Variants in PIP4K2A observed in about 807,000 individuals in gnomAD.
The protein encoded by PIP4K2A is phosphatidylinositol-5-phosphate 4-kinase type 2 alpha.
Under a neutral mutation model 42.9 loss-of-function variants are expected in PIP4K2A, and 14 were observed. That is an observed-to-expected ratio of 0.33 (90% CI 0.22 to 0.51). The LOEUF is 0.51. Ranked by LOEUF, PIP4K2A falls within the 20% of genes least tolerant of loss-of-function variation. The pLI, the probability that PIP4K2A is intolerant of heterozygous loss-of-function variation, is 0.97. For synonymous variants in PIP4K2A, 192 were observed against 192.2 expected (o/e 1.00, Z 0.01); for missense variants, 434 against 519.8 (o/e 0.83, Z 1.61).
intron 6 of PIP4K2A, among the ~76,000 whole-genome samples, chr10:22,564,694 G>T (rs189825815): frequency 6.6e-6 from 1 of 152,340 alleles, no homozygotes; most frequent in Admixed American, 6.5e-5. Flanking sequence ...CTTAGAGGGG[G>T]TTTAGGCGAA....
Position 22,541,922 on chromosome 10 carries a change from GCCATCGCTCTCGCCCTCCTCCTCC to G in PIP4K2A, c.894_917del (p.Glu299_Gly306del). 2.5e-6 allele frequency: 4 copies of G among 1,614,038 alleles called. No homozygotes were observed. The highest frequency in any genetic ancestry group is 3.4e-6 in the Non-Finnish European group (4 of 1,179,942). ...CTGGGGGGGTTCCCACCGGGTGGGTGCCATCGCTCTCGCCCTCCTCCTCCCCATCGTTCTCCTCACACTCCACTT... is the reference window on the plus strand; with the variant it reads ...CTGGGGGGGTTCCCACCGGGTGGGTGCCATCGTTCTCCTCACACTCCACTT... On this transcript the variant is annotated inframe_deletion, in exon 8 of 10. Coordinates refer to ENST00000376573, the MANE Select transcript of PIP4K2A (RefSeq NM_005028.5).
intron 1 of PIP4K2A, among the ~76,000 whole-genome samples, chr10:22,672,669 C>A (rs1022879179): frequency 1.4e-4 from 21 of 152,184 alleles, no homozygotes; most frequent in African/African-American, 5.1e-4. Flanking sequence ...TCCAGAAGGG[C>A]CTATTAAGAA....
intron 1 of PIP4K2A, among the ~76,000 whole-genome samples, chr10:22,688,515 C>T (rs1156331838): frequency 1.3e-5 from 2 of 152,182 alleles, no homozygotes; most frequent in Non-Finnish European, 2.9e-5. Flanking sequence ...TACACTGACA[C>T]CATCTTGGCT....
intron 5 of PIP4K2A, chr10:22,569,157 G>C: frequency 2.4e-6 from 2 of 838,264 alleles, no homozygotes; most frequent in South Asian, 3.0e-5. Flanking sequence ...AACTTGAACG[G>C]AAGAGACTCC....
At chr10:22,586,135 A>G (rs1331195469) in intron 4 of PIP4K2A, among the ~76,000 whole-genome samples, 1 of 152,224 alleles carries the variant, frequency 6.6e-6, no homozygotes, top group East Asian at 1.9e-4. Context: ...TGTGAAAAGG[A>G]TATTTATAGC....
chr10:22,576,172 G>T (rs941729655), intron 4 of PIP4K2A, among the ~76,000 whole-genome samples: 1 of 152,094 alleles, frequency 6.6e-6, no homozygotes, highest in African/African-American at 2.4e-5. Context: ...TTAAAATTTT[G>T]CAGTAGAGAA....
At chr10:22,684,915 T>A (rs1428574510) in intron 1 of PIP4K2A, among the ~76,000 whole-genome samples, 1 of 152,200 alleles carries the variant, frequency 6.6e-6, no homozygotes, top group East Asian at 1.9e-4. Flanking sequence ...TTCACTTTTG[T>A]GTTCCTGACC....
At chr10:22,676,719 C>T (rs1839567977) in intron 1 of PIP4K2A, among the ~76,000 whole-genome samples, 1 of 152,152 alleles carries the variant, frequency 6.6e-6, no homozygotes, top group Admixed American at 6.5e-5. Flanking sequence ...CTGCTATAGT[C>T]CAGGCACTGT....
intron 2 of PIP4K2A, among the ~76,000 whole-genome samples, chr10:22,608,237 C>T (rs1449796522): frequency 6.6e-6 from 1 of 152,182 alleles, no homozygotes; most frequent in Non-Finnish European, 1.5e-5. Flanking sequence ...GTCACAGGCA[C>T]GCTTGGACTA....
At chr10:22,563,821 G>C (rs1421185312) in intron 6 of PIP4K2A, among the ~76,000 whole-genome samples, 1 of 152,184 alleles carries the variant, frequency 6.6e-6, no homozygotes, top group Admixed American at 6.5e-5. Context: ...CTCATCTGGT[G>C]ACTGTTAAGG....
At chr10:22,579,781 T>C (rs1588639525) in intron 4 of PIP4K2A, among the ~76,000 whole-genome samples, 1 of 149,052 alleles carries the variant, frequency 6.7e-6, no homozygotes, top group Non-Finnish European at 1.5e-5. Flanking sequence ...TGGTGGCAGG[T>C]GCCTGTAGTC....
chr10:22,664,067 A>ATATATATATACATATG, intron 1 of PIP4K2A, among the ~76,000 whole-genome samples: 1 of 90,256 alleles, frequency 1.1e-5, no homozygotes, highest in Admixed American at 1.1e-4. Context: ...ATATACATAT[A>ATATATATATACATATG]TATATATACG....
intron 1 of PIP4K2A, among the ~76,000 whole-genome samples, chr10:22,646,566 C>A (rs1750777): frequency 0.24 from 36,295 of 151,740 alleles, 4,674 homozygotes; most frequent in Non-Finnish European, 0.3. Context: ...GCAAAAAAAA[C>A]ACAAAAATCA....
chr10:22,674,715 G>A (rs536687621), intron 1 of PIP4K2A, among the ~76,000 whole-genome samples: 2 of 152,032 alleles, frequency 1.3e-5, no homozygotes, highest in Admixed American at 6.6e-5. Context: ...GCTAAACGTG[G>A]GAGGATGCTT....
intron 4 of PIP4K2A, among the ~76,000 whole-genome samples, chr10:22,579,074 G>C (rs908488282): frequency 6.6e-6 from 1 of 151,854 alleles, no homozygotes; most frequent in Non-Finnish European, 1.5e-5. Context: ...CAATAAGTAG[G>C]AAAAAAGGCA....
At chr10:22,557,130 G>A (rs1836574104) in intron 6 of PIP4K2A, among the ~76,000 whole-genome samples, 1 of 152,152 alleles carries the variant, frequency 6.6e-6, no homozygotes, top group South Asian at 2.1e-4. Flanking sequence ...GGACAGATTT[G>A]GCCAGGGGGT....
chr10:22,607,052 T>C (rs533595164), intron 3 of PIP4K2A, among the ~76,000 whole-genome samples: 60 of 152,356 alleles, frequency 3.9e-4, no homozygotes, highest in Non-Finnish European at 3.4e-4. Context: ...TTTCCACTTG[T>C]GGCATCACGT....
chr10:22,551,584 T>C (rs928119037), intron 6 of PIP4K2A, among the ~76,000 whole-genome samples: 2 of 152,186 alleles, frequency 1.3e-5, no homozygotes, highest in African/African-American at 4.8e-5. Flanking sequence ...TTTAAAACAG[T>C]GTGGATTATT....
chr10:22,659,969 C>T (rs893715455), intron 1 of PIP4K2A, among the ~76,000 whole-genome samples: 8 of 152,200 alleles, frequency 5.3e-5, no homozygotes, highest in Admixed American at 4.6e-4. Context: ...TATCACTTGT[C>T]TTGCGAAGCA....
Sources: allele counts gnomAD v4.1 joint callset (sites outside exome capture counted in the v4.1 genomes callset), GRCh38; gene constraint gnomAD v4.1.1; transcripts MANE v1.5; gene names NCBI Gene and HGNC (gene_info 2026-07-23, HGNC 2026-07-21).